The following KCNH8 variants were observed in gnomAD, a reference collection of about 807,000 sequenced individuals.
KCNH8 encodes voltage-gated delayed rectifier potassium channel KCNH8.
KCNH8 carries 70 observed loss-of-function variants against 103.6 expected under a neutral mutation model. That is an observed-to-expected ratio of 0.68 (90% CI 0.56 to 0.82). KCNH8 has a LOEUF of 0.82. KCNH8 is among the 40% of genes least tolerant of loss of function. KCNH8 has a pLI of 0.00. For missense variants in KCNH8, 1,217 were observed against 1,329.9 expected, an observed-to-expected ratio of 0.92 and a Z score of 1.32; for synonymous variants, 498 against 489.4, an observed-to-expected ratio of 1.02 and a Z score of -0.23.
chr3:19,501,107 C>G (rs2068573110), intron 11 of KCNH8, among the ~76,000 whole-genome samples: 1 of 152,110 alleles, frequency 6.6e-6, no homozygotes, highest in African/African-American at 2.4e-5. Context: ...CACCACCGAT[C>G]CCACAGAAAT....
intron 1 of KCNH8, among the ~76,000 whole-genome samples, chr3:19,245,891 A>T (rs1479672380): frequency 6.6e-6 from 1 of 152,082 alleles, no homozygotes; most frequent in Non-Finnish European, 1.5e-5. Context: ...AGCAAAGGAG[A>T]TAGTTTGACT....
chr3:19,287,728 G>C (rs2064852256), intron 3 of KCNH8, among the ~76,000 whole-genome samples: 1 of 152,126 alleles, frequency 6.6e-6, no homozygotes, highest in African/African-American at 2.4e-5. Context: ...TGGGACTACA[G>C]GGATGTGCCA....
At chr3:19,532,617 G>A (rs1427823310) in intron 15 of KCNH8, among the ~76,000 whole-genome samples, 1 of 152,176 alleles carries the variant, frequency 6.6e-6, no homozygotes. Flanking sequence ...TTTACATGCA[G>A]TATCTGCCAC....
chr3:19,345,513 TTAA>T (rs1394957484), intron 4 of KCNH8, among the ~76,000 whole-genome samples: 22 of 152,050 alleles, frequency 1.4e-4, no homozygotes, highest in Admixed American at 1.4e-3. Context: ...TGCTTGAAGA[TTAA>T]TAAATAAGAT....
At chr3:19,520,120 T>C (rs2068946719) in intron 15 of KCNH8, among the ~76,000 whole-genome samples, 1 of 151,792 alleles carries the variant, frequency 6.6e-6, no homozygotes, top group African/African-American at 2.4e-5. Context: ...GTGGTACATG[T>C]GCAGAATGTG....
intron 7 of KCNH8, among the ~76,000 whole-genome samples, chr3:19,431,288 A>T (rs2067117686): frequency 6.6e-6 from 1 of 152,172 alleles, no homozygotes; most frequent in Admixed American, 6.5e-5. Flanking sequence ...CATCACATTT[A>T]TTGATTTGTG....
intron 11 of KCNH8, among the ~76,000 whole-genome samples, chr3:19,499,119 A>C (rs1471080209): frequency 1.3e-5 from 2 of 152,224 alleles, no homozygotes; most frequent in African/African-American, 4.8e-5. Flanking sequence ...CTGAAAACCA[A>C]GGCTCGAGAA....
At chr3:19,492,471 G>C (rs1057264302) in intron 11 of KCNH8, among the ~76,000 whole-genome samples, 2 of 152,048 alleles carry the variant, frequency 1.3e-5, no homozygotes, top group East Asian at 3.9e-4. Context: ...CTTATGGAAG[G>C]TGAGAGGTTT....
At chr3:19,301,455 G>T (rs1184924346) in intron 3 of KCNH8, among the ~76,000 whole-genome samples, 3 of 151,074 alleles carry the variant, frequency 2.0e-5, no homozygotes, top group African/African-American at 7.3e-5. Context: ...AAAAATTGAA[G>T]AACTAAGGAA....
intron 11 of KCNH8, among the ~76,000 whole-genome samples, chr3:19,486,164 G>GA (rs2068203026): frequency 1.3e-5 from 2 of 152,218 alleles, no homozygotes; most frequent in African/African-American, 4.8e-5. Context: ...AGTCTACTGA[G>GA]ATGCCCATGG....
At chr3:19,354,612 G>C (rs75812894) in intron 5 of KCNH8, among the ~76,000 whole-genome samples, 1 of 151,850 alleles carries the variant, frequency 6.6e-6, no homozygotes, top group Non-Finnish European at 1.5e-5. Flanking sequence ...ACAAACCTGA[G>C]AAAAACAAGC....
At chr3:19,294,072 TAGCCTCTCTA>T (rs999215702) in intron 3 of KCNH8, among the ~76,000 whole-genome samples, 151 of 152,294 alleles carry the variant, frequency 9.9e-4, no homozygotes, top group African/African-American at 3.4e-3. Context: ...ACCTTAGTCT[TAGCCTCTCTA>T]AATGTGTTCT....
chr3:19,453,190 A>G (rs1224313202), intron 10 of KCNH8, among the ~76,000 whole-genome samples: 1 of 152,134 alleles, frequency 6.6e-6, no homozygotes, highest in Non-Finnish European at 1.5e-5. Flanking sequence ...TAGACACGGG[A>G]GACCAGGAAA....
chr3:19,323,483 T>A (rs2065379259), intron 3 of KCNH8, among the ~76,000 whole-genome samples: 1 of 152,098 alleles, frequency 6.6e-6, no homozygotes, highest in Admixed American at 6.6e-5. Context: ...AAAATAATTG[T>A]CTTCTGAATT....
intron 5 of KCNH8, among the ~76,000 whole-genome samples, chr3:19,386,810 ATAAAT>A (rs770292598): frequency 1.3e-5 from 2 of 152,158 alleles, no homozygotes; most frequent in Non-Finnish European, 2.9e-5. Context: ...TAATATTTAA[ATAAAT>A]TCTGATCTAA....
At chr3:19,408,073 G>A (rs2066722272) in intron 7 of KCNH8, among the ~76,000 whole-genome samples, 1 of 152,092 alleles carries the variant, frequency 6.6e-6, no homozygotes, top group Non-Finnish European at 1.5e-5. Context: ...CAGTGCATTG[G>A]TTGAGGCAAC....
chr3:19,486,585 T>G (rs1266762370), intron 11 of KCNH8, among the ~76,000 whole-genome samples: 1 of 152,198 alleles, frequency 6.6e-6, no homozygotes, highest in Admixed American at 6.5e-5. Flanking sequence ...AACTGCCATT[T>G]TTTTTCTTTT....
At chr3:19,185,355 G>T (rs2063492100) in intron 1 of KCNH8, among the ~76,000 whole-genome samples, 1 of 151,746 alleles carries the variant, frequency 6.6e-6, no homozygotes, top group Non-Finnish European at 1.5e-5. Context: ...GTTTTAATAT[G>T]CATTCTTCTA....
intron 5 of KCNH8, among the ~76,000 whole-genome samples, chr3:19,349,719 A>T (rs1379756826): frequency 1.3e-5 from 2 of 152,056 alleles, no homozygotes; most frequent in Non-Finnish European, 1.5e-5. Flanking sequence ...TTTGACGGAG[A>T]TATTTTAAAA....
Sources: gnomAD v4.1 joint callset for allele counts (sites outside exome capture counted in the v4.1 genomes callset) on GRCh38, gnomAD v4.1.1 for gene constraint, MANE v1.5 for transcripts, NCBI Gene and HGNC (gene_info 2026-07-23, HGNC 2026-07-21) for gene names.